Variants in RBM20 observed in about 807,000 individuals in gnomAD.
RBM20 encodes the protein RNA binding motif protein 20.
A neutral mutation model predicts 110.1 loss-of-function variants in RBM20; 51 were observed. The ratio of observed to expected loss-of-function variants is 0.46; its 90% CI spans 0.37 to 0.59. RBM20 has a LOEUF of 0.59. Among genes scored for constraint, RBM20 ranks in the 20% least tolerant of loss-of-function variants. The pLI is 0.00. For synonymous variants in RBM20, 589 were observed against 618.2 expected (o/e 0.95, Z 0.70); for missense variants, 1,512 against 1,574.9 (o/e 0.96, Z 0.68).
At chr10:110,818,560 T>C (rs1844871393) in intron 9 of RBM20, among the ~76,000 whole-genome samples, 1 of 152,260 alleles carries the variant, frequency 6.6e-6, no homozygotes, top group African/African-American at 2.4e-5. Flanking sequence ...CTTAAGCTGC[T>C]GCTCTCTCCT....
chr10:110,674,532 C>T (rs967327958), intron 1 of RBM20, among the ~76,000 whole-genome samples: 1 of 152,196 alleles, frequency 6.6e-6, no homozygotes, highest in African/African-American at 2.4e-5. Flanking sequence ...GTCGTGACCA[C>T]GCAAGCTCAA....
Position 110,781,413 on chromosome 10 carries a change from C to T in RBM20, c.804C>T (p.Ser268=). Residue 268 remains serine (S), a synonymous_variant, in exon 2 of 14, where the codon AGC becomes AGT. Transcript: ENST00000369519. The stretch of plus-strand genomic sequence containing the variant: ...GTGTGACCTATGAAGGGCACTACAG[C>T]CACACAGGGCAGGATGGTCAAGCTG... ...SGSVTYEGHY[S]HTGQDGQAAF... The T allele has an allele frequency of 1.3e-6, 2 of 1,551,648 alleles. No individual in the cohort carries two copies. The highest frequency in any genetic ancestry group is 2.4e-5 in the East Asian group (1 of 40,922).
Position 110,836,169 on chromosome 10 carries a change from CAGGT to C in RBM20, c.*192_*195del. The C allele has an allele frequency of 2.3e-6, 1 of 433,098 alleles. No individual in the cohort carries two copies. Among genetic ancestry groups the C allele is most frequent in the Non-Finnish European group, 4.1e-6 (1 of 245,460 alleles). The allele number at this position is 433,098 out of a possible 1,614,324, so 26.8% of individuals were successfully genotyped here. On this transcript the variant is annotated 3_prime_UTR_variant, in exon 14 of 14. Coordinates refer to ENST00000369519, the MANE Select transcript of RBM20 (RefSeq NM_001134363.3). ...GATATGTCTCCAGGAGCAAGTCACC[CAGGT>C]GTGTCCAGCCCACTGAGGGTCACCA...
chr10:110,819,716 GTCTT>G (rs777866960), intron 9 of RBM20, among the ~76,000 whole-genome samples: 20 of 152,176 alleles, frequency 1.3e-4, no homozygotes, highest in Non-Finnish European at 2.6e-4. Flanking sequence ...TAACCCTGGG[GTCTT>G]GGCCGGCCCA....
chr10:110,726,995 C>T (rs1438846791), intron 1 of RBM20, among the ~76,000 whole-genome samples: 1 of 151,962 alleles, frequency 6.6e-6, no homozygotes, highest in African/African-American at 2.4e-5. Context: ...CACAGGTGCC[C>T]ACCACACTGC....
chr10:110,750,202 T>C (rs923670981), intron 1 of RBM20, among the ~76,000 whole-genome samples: 1 of 152,220 alleles, frequency 6.6e-6, no homozygotes, highest in Admixed American at 6.5e-5. Context: ...CACTTAGAAA[T>C]ATTTCCATGT....
chr10:110,707,850 G>A (rs768929401), intron 1 of RBM20, among the ~76,000 whole-genome samples: 7 of 152,160 alleles, frequency 4.6e-5, no homozygotes, highest in Admixed American at 3.3e-4. Context: ...GCGGGATGAC[G>A]ATAGTCAACA....
At chr10:110,819,346 TA>T (rs1400193940) in intron 9 of RBM20, among the ~76,000 whole-genome samples, 1 of 152,270 alleles carries the variant, frequency 6.6e-6, no homozygotes, top group East Asian at 1.9e-4. Flanking sequence ...TGTAAACGTG[TA>T]AAATTCATTC....
In RBM20 at chr10:110,821,892, A is replaced by T; in HGVS notation, c.3273A>T (p.Glu1091Asp). Residue 1091 changes from glutamate to aspartate, a missense_variant, in exon 11 of 14, where the codon GAA (glutamate) becomes GAT (aspartate). Around this residue, in one of 3 missense-constraint regions of RBM20, gnomAD observed 358 missense variants for 384.2 expected, o/e 0.93. Coordinates refer to ENST00000369519, the MANE Select transcript of RBM20 (RefSeq NM_001134363.3). ...PLEEKASPPI[E>D]TDLQNQACQE... ...AGGAGAAAGCCAGCCCCCCCATCGAAACTGACCTCCAAAACCAAGCTTGCC... is the reference window on the plus strand; with the variant it reads ...AGGAGAAAGCCAGCCCCCCCATCGATACTGACCTCCAAAACCAAGCTTGCC... 1 of 1,551,602 alleles carries T rather than the reference A, an allele frequency of 6.4e-7. No homozygotes were observed. The highest frequency in any genetic ancestry group is 8.7e-7 in the Non-Finnish European group (1 of 1,146,984).
At chr10:110,668,946 T>G (rs375361461) in intron 1 of RBM20, among the ~76,000 whole-genome samples, 4 of 152,324 alleles carry the variant, frequency 2.6e-5, no homozygotes, top group African/African-American at 9.6e-5. Flanking sequence ...TTGCTTTGTT[T>G]TGTTTGAAAA....
intron 12 of RBM20, among the ~76,000 whole-genome samples, chr10:110,830,681 G>A (rs1005640718): frequency 6.6e-6 from 1 of 152,178 alleles, no homozygotes; most frequent in Non-Finnish European, 1.5e-5. Context: ...CAGCTGCAGA[G>A]AGAGGTACAG....
chr10:110,827,559 T>TCTA lies in RBM20; in HGVS notation c.3452-3497_3452-3495dup, dbSNP rs1844998019. The stretch of plus-strand genomic sequence containing the variant: ...TGATTCCCTGAGTTTAAATCCCCTG[T>TCTA]CTACTACCTACTGGCTGGATGACAA... On this transcript the variant is annotated intron_variant, in intron 12 of 13. Coordinates refer to ENST00000369519, the MANE Select transcript of RBM20 (RefSeq NM_001134363.3). Among the ~76,000 whole-genome samples, 5 of 152,324 alleles carry TCTA rather than the reference T, an allele frequency of 3.3e-5. No homozygotes were observed. The South Asian group carries it at 1.0e-3, about 32-fold the overall frequency.
chr10:110,767,289 C>T (rs1224896970), intron 1 of RBM20, among the ~76,000 whole-genome samples: 1 of 125,876 alleles, frequency 7.9e-6, no homozygotes, highest in African/African-American at 3.0e-5. Flanking sequence ...TAGGGGCGGC[C>T]GGGCAGAGGT....
rs1289053443 is a variant in RBM20 at position 110,812,563 on chromosome 10, G to A, written c.2166G>A (p.Glu722=). 1 of 1,551,658 alleles carries A rather than the reference G, an allele frequency of 6.4e-7. No homozygotes were observed. Among genetic ancestry groups the A allele is most frequent in the Non-Finnish European group, 8.7e-7 (1 of 1,147,008 alleles). The change falls in exon 9 of 14, where the codon GAG becomes GAA. Residue 722 remains glutamate (E), a synonymous_variant. Transcript: ENST00000369519. ...KHHPRQLDKA[E]LDERPEGGRP... ...ACCCCCGGCAACTGGACAAGGCTGA[G>A]TTGGACGAGCGACCAGAAGGAGGGA...
chr10:110,819,510 C>A (rs1396451151), intron 9 of RBM20, among the ~76,000 whole-genome samples: 1 of 152,158 alleles, frequency 6.6e-6, no homozygotes, highest in African/African-American at 2.4e-5. Flanking sequence ...ATGCGCACTA[C>A]TGTGAGGGTC....
At chr10:110,747,306 G>A (rs1045166399) in intron 1 of RBM20, among the ~76,000 whole-genome samples, 2 of 150,386 alleles carry the variant, frequency 1.3e-5, no homozygotes, top group African/African-American at 4.9e-5. Flanking sequence ...TGGGGGGGGG[G>A]GTCATTCTGG....
At chr10:110,649,863 T>C (rs186253210) in intron 1 of RBM20, among the ~76,000 whole-genome samples, 1 of 152,224 alleles carries the variant, frequency 6.6e-6, no homozygotes, top group Non-Finnish European at 1.5e-5. Context: ...CTTGAGAATA[T>C]GCGTGTTATC....
At chr10:110,649,561 C>T (rs1197741298) in intron 1 of RBM20, among the ~76,000 whole-genome samples, 1 of 152,274 alleles carries the variant, frequency 6.6e-6, no homozygotes, top group East Asian at 1.9e-4. Context: ...CAGACAAAAG[C>T]TTGAATGGTC....
chr10:110,754,764 G>T (rs542461519), intron 1 of RBM20, among the ~76,000 whole-genome samples: 12 of 152,260 alleles, frequency 7.9e-5, no homozygotes, highest in Admixed American at 3.3e-4. Context: ...TTTTCATGTG[G>T]TTAGCAAATA....
Sources: gnomAD v4.1 joint callset for allele counts (sites outside exome capture counted in the v4.1 genomes callset) on GRCh38, gnomAD v4.1.1 for gene constraint, gnomAD v4.1.1 regional missense constraint, MANE v1.5 for transcripts, NCBI Gene and HGNC (gene_info 2026-07-23, HGNC 2026-07-21) for gene names.